MAGEB16: variants seen among roughly 807,000 people sequenced by gnomAD.
The protein encoded by MAGEB16 is MAGE family member B16, also known as melanoma-associated antigen B16.
For synonymous variants in MAGEB16, 95 were observed against 92.1 expected (o/e 1.03, Z -0.18); for missense variants, 217 against 234.0 (o/e 0.93, Z 0.47).
At chrX:35,800,310 A>C (rs1934851534) in intron 1 of MAGEB16, among the ~76,000 whole-genome samples, 1 of 111,149 alleles carries the variant, frequency 9.0e-6, no homozygotes, top group Non-Finnish European at 1.9e-5. Context: ...CCAAGGCAGG[A>C]GTGGGAAGAA....
intron 1 of MAGEB16, 63 bp from the exon 2 acceptor site, chrX:35,802,068 A>G: frequency 1.2e-6 from 1 of 846,950 alleles, no homozygotes; most frequent in Admixed American, 3.1e-5. Flanking sequence ...AGTGGCTTCC[A>G]TCAGAGCTAC....
At chrX:35,803,444 G>T in exon 2 of MAGEB16, 1 of 262,756 alleles carries the variant, frequency 3.8e-6, no homozygotes, top group Non-Finnish European at 7.1e-6. Context: ...AGTTTAGGTA[G>T]TTTCCAGATC....
chrX:35,799,915 C>A (rs774118686), intron 1 of MAGEB16, among the ~76,000 whole-genome samples: 5 of 111,461 alleles, frequency 4.5e-5, no homozygotes, highest in African/African-American at 1.6e-4. Context: ...TGGTTTTGGG[C>A]AAGTGTAGGC....
rs185071029 is a variant in MAGEB16, at chrX:35,802,485, A to G, written c.289A>G (p.Ser97Gly). ...CAATCAAGAAGAGGAAGATAGTCCA[A>G]GCTCCTCAGAGGATACATCAGACCC... Residue 97 changes from serine to glycine, a missense_variant, in exon 2 of 2, where the codon AGC becomes GGC. Ser to Gly is a moderately conservative substitution (Grantham distance 56). Transcript: ENST00000399988. The G allele has an allele frequency of 1.7e-4, 201 of 1,208,926 alleles. No individual in the cohort carries two copies. The African/African-American group carries it at 2.8e-3, about 17-fold the overall frequency.
intron 1 of MAGEB16, among the ~76,000 whole-genome samples, chrX:35,799,107 C>T (rs1403957774): frequency 1.9e-5 from 2 of 103,611 alleles, no homozygotes; most frequent in African/African-American, 3.6e-5. Context: ...TGGTCTCGAT[C>T]TCCTGACCTC....
intron 1 of MAGEB16, 116 bp from the exon 2 acceptor site, chrX:35,802,015 C>T: frequency 2.1e-6 from 1 of 485,928 alleles, no homozygotes; most frequent in South Asian, 4.2e-5. Flanking sequence ...AATATCAGAT[C>T]TGTGAGGCTC....
At chrX:35,802,682 A>G (rs1184974019) in exon 2 of MAGEB16, 3 of 1,211,785 alleles carry the variant, frequency 2.5e-6, no homozygotes. Context: ...CTGAGCACCT[A>G]GAGATGATAT....
chrX:35,801,242 A>C (rs1461862536), intron 1 of MAGEB16: 2 of 112,579 alleles, frequency 1.8e-5, no homozygotes, highest in Non-Finnish European at 3.7e-5. Flanking sequence ...AAAGCTTCAC[A>C]GTGTACAGCC....
At chrX:35,802,408 C>T (rs1277083668) in exon 2 of MAGEB16, 1 of 1,206,172 alleles carries the variant, frequency 8.3e-7, no homozygotes, top group Non-Finnish European at 1.1e-6. Flanking sequence ...TTCTGCTCCT[C>T]TTCCATTGCC....
exon 2 of MAGEB16, chrX:35,803,403 A>G (rs1934885156): frequency 9.5e-6 from 3 of 314,816 alleles, no homozygotes; most frequent in East Asian, 4.7e-5. Flanking sequence ...TTTAATGGCT[A>G]TATTATTCAG....
exon 2 of MAGEB16, chrX:35,803,120 G>A: frequency 8.3e-7 from 1 of 1,202,006 alleles, no homozygotes; most frequent in Non-Finnish European, 1.1e-6. Flanking sequence ...TCCCATCTCA[G>A]TATGCGGAAG....
At chrX:35,802,242 C>G in exon 2 of MAGEB16, 1 of 1,211,361 alleles carries the variant, frequency 8.3e-7, no homozygotes, top group Admixed American at 2.2e-5. Context: ...TGATCAGCAC[C>G]TTCAGACCTT....
chrX:35,802,047 A>G lies in MAGEB16; in HGVS notation c.-66-84A>G, dbSNP rs1569183848. On this transcript the variant is annotated intron_variant, in intron 1 of 1. Transcript: ENST00000399988. ...GCTCTATAACACTGCTGTCAGGAGA[A>G]GTCTATAGGCAGTGGCTTCCATCAG... 14 of 607,667 alleles carry G rather than the reference A, an allele frequency of 2.3e-5. No homozygotes were observed. In the East Asian group the frequency reaches 4.9e-4, roughly 21 times the overall value. The allele number at this position is 607,667 out of a possible 1,213,427, so 50.1% of individuals were successfully genotyped here.
At chrX:35,802,362 G>A (rs1934870525) in exon 2 of MAGEB16, 1 of 1,206,939 alleles carries the variant, frequency 8.3e-7, no homozygotes, top group Non-Finnish European at 1.1e-6. Flanking sequence ...AGCTCCTGCT[G>A]CTAAGGCAGA....
At chrX:35,801,297 T>C (rs1934860204) in intron 1 of MAGEB16, 3 of 112,005 alleles carry the variant, frequency 2.7e-5, no homozygotes, top group Admixed American at 9.5e-5. Flanking sequence ...AGATAGGTAG[T>C]GTCCTTTATC....
chrX:35,800,569 G>A (rs1382189588), intron 1 of MAGEB16: 1 of 525,677 alleles, frequency 1.9e-6, no homozygotes, highest in Admixed American at 2.6e-5. Flanking sequence ...AGTAGTCAAA[G>A]TAAGGACCCT....
intron 1 of MAGEB16, among the ~76,000 whole-genome samples, chrX:35,799,371 A>G (rs1024744831): frequency 5.4e-5 from 6 of 111,244 alleles, no homozygotes; most frequent in Non-Finnish European, 1.1e-4. Context: ...CACATTACCA[A>G]CTAGTTTCCA....
chrX:35,799,742 G>A (rs1414914635), intron 1 of MAGEB16, among the ~76,000 whole-genome samples: 1 of 111,589 alleles, frequency 9.0e-6, no homozygotes, highest in Non-Finnish European at 1.9e-5. Flanking sequence ...TATTGTGAGG[G>A]AAAACTTAAG....
Position 35,800,549 on chromosome X carries a change from A to G in MAGEB16, c.-66-1582A>G, listed in dbSNP as rs866388529. The stretch of plus-strand genomic sequence containing the variant: ...ATTAGCTATCAGAAGATGGGGACTG[A>G]AGCCCAACCAGTAGTCAAAGTAAGG... On this transcript the variant is annotated intron_variant, in intron 1 of 1. Transcript: ENST00000399988. 7 of 523,089 alleles carry G rather than the reference A, an allele frequency of 1.3e-5. No homozygotes were observed. The African/African-American group carries it at 1.4e-4, about 10-fold the overall frequency. The allele number at this position is 523,089 out of a possible 1,213,427, so 43.1% of individuals were successfully genotyped here. A position where few individuals can be genotyped will look rare whatever the true frequency, so the allele number is the denominator to read the frequency against.
Sources: gnomAD v4.1 joint callset for allele counts (sites outside exome capture counted in the v4.1 genomes callset) on GRCh38, gnomAD v4.1.1 for gene constraint, MANE v1.5 for transcripts, NCBI Gene and HGNC (gene_info 2026-07-23, HGNC 2026-07-21) for gene names.